Variants in EPHA6 observed in about 807,000 individuals in gnomAD.
The protein encoded by EPHA6 is ephrin type-A receptor 6.
In EPHA6, 50 loss-of-function variants were observed where a neutral mutation model predicts 112.0. That is an observed-to-expected ratio of 0.45 (90% CI 0.36 to 0.56). The LOEUF (loss-of-function observed/expected upper bound fraction) is 0.56, where lower values mean the gene tolerates loss of function less well. EPHA6 is among the 20% of genes least tolerant of loss of function. The pLI is 0.00. For missense variants in EPHA6, 1,280 were observed against 1,417.4 expected, an observed-to-expected ratio of 0.90 and a Z score of 1.56; for synonymous variants, 529 against 490.7, an observed-to-expected ratio of 1.08 and a Z score of -1.03.
chr3:97,611,975 C>A (rs921585345), intron 13 of EPHA6, among the ~76,000 whole-genome samples: 1 of 151,856 alleles, frequency 6.6e-6, no homozygotes, highest in Non-Finnish European at 1.5e-5. Flanking sequence ...CAGATTCAAT[C>A]CTAGAAGCTG....
intron 2 of EPHA6, among the ~76,000 whole-genome samples, chr3:96,978,451 T>C (rs2042619435): frequency 6.6e-6 from 1 of 152,194 alleles, no homozygotes; most frequent in Admixed American, 6.5e-5. Context: ...TTTTTATACC[T>C]ACTAATGTTA....
Position 96,987,369 on chromosome 3 carries a change from A to G in EPHA6, c.490A>G (p.Ile164Val). The part of the protein sequence containing the change: ...ITEMDEHNRP[I>V]HTYQVCNVME... ...TGAAATGGATGAACATAATAGGCCC[A>G]TTCACACATACCAGGTATGTAATGT... The change falls in exon 3 of 18, where the codon ATT becomes GTT. Residue 164 changes from isoleucine to valine, a missense_variant. Coordinates refer to ENST00000389672, the MANE Select transcript of EPHA6 (RefSeq NM_001080448.3). 1.9e-6 allele frequency: 3 copies of G among 1,613,632 alleles called. No individual in the cohort carries two copies. Among genetic ancestry groups the G allele is most frequent in the Non-Finnish European group, 2.5e-6 (3 of 1,179,612 alleles).
intron 5 of EPHA6, among the ~76,000 whole-genome samples, chr3:97,323,596 G>T (rs984358599): frequency 6.6e-6 from 1 of 151,238 alleles, no homozygotes; most frequent in Non-Finnish European, 1.5e-5. Context: ...AATATTTAAA[G>T]TCTTTTGTAC....
At chr3:97,088,189 T>C (rs527772348) in intron 3 of EPHA6, among the ~76,000 whole-genome samples, 1 of 152,010 alleles carries the variant, frequency 6.6e-6, no homozygotes, top group East Asian at 1.9e-4. Context: ...AAAAAATTAA[T>C]TAATTAATTA....
intron 10 of EPHA6, among the ~76,000 whole-genome samples, chr3:97,508,349 T>G (rs1424037614): frequency 2.0e-5 from 3 of 152,212 alleles, no homozygotes; most frequent in African/African-American, 7.2e-5. Context: ...TACTAGAGAT[T>G]CTGGTACATT....
At chr3:96,892,985 T>TTC (rs2038059846) in intron 2 of EPHA6, among the ~76,000 whole-genome samples, 4 of 150,022 alleles carry the variant, frequency 2.7e-5, no homozygotes, top group African/African-American at 9.9e-5. Flanking sequence ...TGTGTGTTCG[T>TTC]GTGTGTGTGT....
At chr3:97,656,186 G>T (rs1385413243) in intron 14 of EPHA6, among the ~76,000 whole-genome samples, 3 of 151,896 alleles carry the variant, frequency 2.0e-5, no homozygotes, top group Admixed American at 2.0e-4. Context: ...CTTCTCTCTG[G>T]TATTAGTTGC....
intron 14 of EPHA6, among the ~76,000 whole-genome samples, chr3:97,704,120 ATCTT>A (rs1336117767): frequency 2.6e-5 from 4 of 152,194 alleles, no homozygotes; most frequent in Non-Finnish European, 4.4e-5. Flanking sequence ...TCTATAGAAA[ATCTT>A]TCTAGTCTAA....
chr3:97,135,862 A>G (rs1258743447), intron 3 of EPHA6, among the ~76,000 whole-genome samples: 1 of 152,088 alleles, frequency 6.6e-6, no homozygotes, highest in African/African-American at 2.4e-5. Flanking sequence ...AATGCCACAC[A>G]CACACACACA....
chr3:97,536,919 C>A (rs987462670), intron 11 of EPHA6, among the ~76,000 whole-genome samples: 1 of 151,920 alleles, frequency 6.6e-6, no homozygotes, highest in African/African-American at 2.4e-5. Context: ...TCACATTTAC[C>A]TTTAATATTT....
intron 3 of EPHA6, among the ~76,000 whole-genome samples, chr3:97,161,531 C>A (rs1307247112): frequency 6.6e-6 from 1 of 152,104 alleles, no homozygotes; most frequent in East Asian, 1.9e-4. Flanking sequence ...TTTTTCTGGT[C>A]ACTTGGTAAA....
chr3:96,879,027 A>G (rs896861983), intron 2 of EPHA6, among the ~76,000 whole-genome samples: 2 of 152,020 alleles, frequency 1.3e-5, no homozygotes, highest in African/African-American at 4.8e-5. Flanking sequence ...TATACAGAAC[A>G]CTTAATATGG....
At chr3:97,023,569 TA>T (rs1403320718) in intron 3 of EPHA6, among the ~76,000 whole-genome samples, 3 of 152,106 alleles carry the variant, frequency 2.0e-5, no homozygotes, top group African/African-American at 7.2e-5. Flanking sequence ...ATATGTTAGA[TA>T]TAATATTAGC....
intron 7 of EPHA6, among the ~76,000 whole-genome samples, chr3:97,471,985 A>T (rs939482901): frequency 6.6e-6 from 1 of 151,732 alleles, no homozygotes. Context: ...TGTGGGTTGC[A>T]TAACTCATCT....
chr3:97,750,964 T>C lies in EPHA6; in HGVS notation c.*2263T>C, dbSNP rs2035887287. Among the ~76,000 whole-genome samples the C allele has an allele frequency of 6.6e-6, 1 of 152,154 alleles. No homozygotes were observed. The highest frequency in any genetic ancestry group is 2.1e-4 in the South Asian group (1 of 4,832). On this transcript the variant is annotated 3_prime_UTR_variant, in exon 18 of 18. Coordinates refer to ENST00000389672, the MANE Select transcript of EPHA6 (RefSeq NM_001080448.3). ...CATAGACTATCTGCAGTTTGCTTGA[T>C]ACATTTACACAAATCTGGATACACT... is the stretch of plus-strand genomic sequence containing the variant.
At chr3:97,390,147 T>G (rs1440157242) in intron 5 of EPHA6, among the ~76,000 whole-genome samples, 1 of 152,164 alleles carries the variant, frequency 6.6e-6, no homozygotes, top group Non-Finnish European at 1.5e-5. Context: ...CCTGGCTACT[T>G]GTCTGACACA....
At chr3:96,875,632 A>G (rs980040517) in intron 2 of EPHA6, among the ~76,000 whole-genome samples, 1 of 152,038 alleles carries the variant, frequency 6.6e-6, no homozygotes, top group Non-Finnish European at 1.5e-5. Context: ...GGGCAGCTGA[A>G]AAATAAGTAT....
intron 2 of EPHA6, among the ~76,000 whole-genome samples, chr3:96,872,341 C>G (rs115421390): frequency 0.018 from 2,693 of 152,080 alleles, 77 homozygotes; most frequent in African/African-American, 0.059. Flanking sequence ...GCTCCTGTGA[C>G]AAGCAGAAAG....
chr3:97,237,214 A>G (rs1472740138), intron 4 of EPHA6, among the ~76,000 whole-genome samples: 1 of 150,832 alleles, frequency 6.6e-6, no homozygotes, highest in Non-Finnish European at 1.5e-5. Context: ...AAGCTGTTAT[A>G]TTTTAGACTT....
Sources: allele counts gnomAD v4.1 joint callset (sites outside exome capture counted in the v4.1 genomes callset), GRCh38; gene constraint gnomAD v4.1.1; transcripts MANE v1.5; gene names NCBI Gene and HGNC (gene_info 2026-07-23, HGNC 2026-07-21).